Variants in RPS24 observed in about 807,000 individuals in gnomAD.
RPS24 encodes the protein small ribosomal subunit protein eS24.
For synonymous variants in RPS24, 72 were observed against 55.6 expected, an observed-to-expected ratio of 1.30 and a Z score of -1.31; for missense variants, 100 against 162.5, an observed-to-expected ratio of 0.62 and a Z score of 2.09.
At chr10:78,040,853 C>G (rs1461013807), downstream of RPS24, 1 of 616,500 alleles carries the variant, frequency 1.6e-6, no homozygotes, top group African/African-American at 1.8e-5. Context: ...TGGTTTATAG[C>G]TTAGGTGGGT....
At chr10:78,034,765 A>G (rs1346967531) in intron 1 of RPS24, among the ~76,000 whole-genome samples, 1 of 152,232 alleles carries the variant, frequency 6.6e-6, no homozygotes, top group African/African-American at 2.4e-5. Context: ...AGAAGGATAG[A>G]TTACATGTAG....
chr10:78,040,818 C>A, downstream of RPS24: 2 of 720,372 alleles, frequency 2.8e-6, no homozygotes, highest in South Asian at 1.7e-5. Flanking sequence ...AACTTAATGT[C>A]ATGGGGTGGT....
chr10:78,054,908 C>T (rs749521259), exon 5 of RPS24: 1 of 1,533,918 alleles, frequency 6.5e-7, no homozygotes. Flanking sequence ...CTCTGTCACC[C>T]CACATCCAGG....
At chr10:78,054,813 G>T in exon 5 of RPS24, 1 of 1,551,686 alleles carries the variant, frequency 6.4e-7, no homozygotes, top group East Asian at 2.4e-5. Flanking sequence ...CATGTCGCCT[G>T]CCTCACCTGC....
At chr10:78,040,343 G>T in intron 5 of RPS24, 118 bp downstream of exon 5, 1 of 924,820 alleles carries the variant, frequency 1.1e-6, no homozygotes, top group Non-Finnish European at 1.7e-6. Context: ...CAAATATTCT[G>T]AAGAGTTGTA....
intron 4 of RPS24, among the ~76,000 whole-genome samples, chr10:78,050,875 T>G (rs1301303082): frequency 1.3e-5 from 2 of 152,196 alleles, no homozygotes; most frequent in Non-Finnish European, 2.9e-5. Context: ...CCTATTCATT[T>G]TTGATCATTT....
chr10:78,042,154 C>T (rs182411808), downstream of RPS24, among the ~76,000 whole-genome samples: 3 of 152,306 alleles, frequency 2.0e-5, no homozygotes, highest in Admixed American at 6.5e-5. Context: ...CAGTAGTAGC[C>T]CACCTTCCTG....
rs1445379968 is a variant in RPS24 at position 78,035,591 on chromosome 10, C to T, written c.150C>T (p.Thr50=). Residue 50 remains threonine (T), a synonymous_variant, in exon 3 of 6, where the codon ACC becomes ACT. Coordinates refer to ENST00000372360, the MANE Select transcript of RPS24 (RefSeq NM_033022.4). ...AAAAACTAGCCAAAATGTACAAGACCACACCGGATGTCATCTTTGTATTTG... is the reference window on the plus strand; with the variant it reads ...AAAAACTAGCCAAAATGTACAAGACTACACCGGATGTCATCTTTGTATTTG... ...IREKLAKMYK[T]TPDVIFVFGF... 1 of 1,613,514 alleles carries T rather than the reference C, an allele frequency of 6.2e-7. No individual in the cohort carries two copies. The highest frequency in any genetic ancestry group is 1.3e-5 in the African/African-American group (1 of 74,920).
chr10:78,054,861 G>T, exon 5 of RPS24: 2 of 1,550,344 alleles, frequency 1.3e-6, no homozygotes, highest in Non-Finnish European at 1.7e-6. Flanking sequence ...CGGTGACTTG[G>T]TCCTCCACTT....
intron 4 of RPS24, chr10:78,037,721 A>G (rs771899794): frequency 4.4e-5 from 15 of 340,632 alleles, no homozygotes; most frequent in African/African-American, 8.6e-5. Flanking sequence ...TTCCTGGCAC[A>G]CTGGAAAGGC....
rs181033978 is a variant in RPS24 at position 78,048,603 on chromosome 10, C to G, written c.391-5928C>G. The stretch of plus-strand genomic sequence containing the variant: ...CTGGTTAGAAATTGCCCAACCCAGC[C>G]GCGTGCGGTGGCTCACGCCTGTAAT... On this transcript the variant is annotated intron_variant, in intron 4 of 4. Coordinates refer to the RPS24 transcript ENST00000440692. Among the ~76,000 whole-genome samples the G allele has an allele frequency of 2.0e-5, 3 of 151,704 alleles. No individual in the cohort carries two copies. In the East Asian group the frequency reaches 5.8e-4, roughly 30 times the overall value.
intron 4 of RPS24, among the ~76,000 whole-genome samples, chr10:78,047,010 G>C (rs972663318): frequency 6.6e-6 from 1 of 152,034 alleles, no homozygotes; most frequent in African/African-American, 2.4e-5. Context: ...GCCCAGGCTG[G>C]AGTGCAGTGG....
Position 78,035,612 on chromosome 10 carries a change from A to T in RPS24, c.171A>T (p.Val57=). 1 of 1,612,692 alleles carries T rather than the reference A, an allele frequency of 6.2e-7. No individual in the cohort carries two copies. The highest frequency in any genetic ancestry group is 8.5e-7 in the Non-Finnish European group (1 of 1,180,012). Residue 57 remains valine (V), a synonymous_variant, in exon 3 of 6, where the codon GTA becomes GTT. Coordinates refer to ENST00000372360, the MANE Select transcript of RPS24 (RefSeq NM_033022.4). The part of the protein sequence containing the change: ...MYKTTPDVIF[V]FGFRTHFGGG... The stretch of plus-strand genomic sequence containing the variant: ...AGACCACACCGGATGTCATCTTTGT[A>T]TTTGGATTCAGAACTCATTTTGGTG...
At chr10:78,041,870 ATGAT>A (rs1847989350), downstream of RPS24, among the ~76,000 whole-genome samples, 1 of 152,198 alleles carries the variant, frequency 6.6e-6, no homozygotes, top group African/African-American at 2.4e-5. Flanking sequence ...GAGAGCCTGA[ATGAT>A]TGAAGGTTGG....
rs926830288 is a variant in RPS24 at position 78,035,516 on chromosome 10, T to A, written c.75T>A (p.Ile25=). 1 of 1,614,148 alleles carries A rather than the reference T, an allele frequency of 6.2e-7. No homozygotes were observed. The highest frequency in any genetic ancestry group is 1.7e-5 in the Admixed American group (1 of 60,016). Residue 25 remains isoleucine (I), a synonymous_variant, in exon 3 of 6, where the codon ATT becomes ATA. Transcript: ENST00000372360. ...AACTTGATATCTCCTTTTAGGTCAT[T>A]GATGTCCTTCACCCCGGGAAGGCGA... ...NRLLQRKQMV[I]DVLHPGKATV... is the part of the protein sequence containing the mutation.
At chr10:78,050,118 C>T (rs1356167794) in intron 4 of RPS24, among the ~76,000 whole-genome samples, 5 of 151,648 alleles carry the variant, frequency 3.3e-5, no homozygotes, top group African/African-American at 1.2e-4. Flanking sequence ...TCAGCTCTTC[C>T]TTCTCCCCTC....
chr10:78,040,105 G>T, intron 4 of RPS24, 99 bp from the exon 5 acceptor site: 1 of 1,085,688 alleles, frequency 9.2e-7, no homozygotes, highest in Non-Finnish European at 1.4e-6. Flanking sequence ...CTGATTGCAT[G>T]CACTTAAATG....
chr10:78,039,431 G>A (rs1381242429), intron 4 of RPS24: 1 of 152,258 alleles, frequency 6.6e-6, no homozygotes, highest in Non-Finnish European at 1.5e-5. Context: ...TTACACTGGT[G>A]CCTCTCACTA....
intron 4 of RPS24, among the ~76,000 whole-genome samples, chr10:78,050,315 G>C (rs754805817): frequency 6.6e-6 from 1 of 152,136 alleles, no homozygotes; most frequent in South Asian, 2.1e-4. Flanking sequence ...ATGCTGACTG[G>C]TCTGTCAGCT....
Sources: allele counts gnomAD v4.1 joint callset (sites outside exome capture counted in the v4.1 genomes callset), GRCh38; gene constraint gnomAD v4.1.1; transcripts MANE v1.5; gene names NCBI Gene and HGNC (gene_info 2026-07-23, HGNC 2026-07-21).